HOXC8: variants seen among roughly 807,000 people sequenced by gnomAD.
HOXC8 encodes homeobox protein Hox-C8.
In HOXC8, 14 loss-of-function variants were observed where a neutral mutation model predicts 25.8. The ratio of observed to expected loss-of-function variants is 0.54; its 90% CI spans 0.36 to 0.85. HOXC8 has a LOEUF of 0.85. Ranked by LOEUF, HOXC8 falls within the 40% of genes least tolerant of loss-of-function variation. The pLI is 0.01. For synonymous variants in HOXC8, 144 were observed against 124.6 expected (o/e 1.16, Z -1.04); for missense variants, 316 against 308.8 (o/e 1.02, Z -0.17).
In HOXC8 at chr12:54,009,404, CG is replaced by C; in HGVS notation, c.123del (p.Gly43AlafsTer87). On this transcript the variant is annotated frameshift_variant, in exon 1 of 2. Coordinates refer to ENST00000040584, the MANE Select transcript of HOXC8 (RefSeq NM_022658.4). LOFTEE classifies it high-confidence loss of function. The surrounding 1 kb of genome is among the most constrained non-coding windows in gnomAD (Gnocchi z 5.0). ...TGGGCAGGAGCCATGCGCTGGTGTA[CG>C]GGCCCGGCGGCTCGGCGCCCGGCTT... is the stretch of plus-strand genomic sequence containing the variant. ...SVGRSHALVY[G>X]PGGSAPGFQH... 6.2e-7 allele frequency: 1 copy of C among 1,614,022 alleles called. No homozygotes were observed. The highest frequency in any genetic ancestry group is 8.5e-7 in the Non-Finnish European group (1 of 1,179,968).
rs1004195294 is a variant in HOXC8 at position 54,011,605 on chromosome 12, G to A, written c.*224G>A. On this transcript the variant is annotated 3_prime_UTR_variant, in exon 2 of 2. Transcript: ENST00000040584. ...GCTGGAGGGGGGAGACGGAGAAACA[G>A]TGAAAAGTTCGGACTCTCTGTCTCA... The A allele has an allele frequency of 1.1e-5, 5 of 448,240 alleles. No homozygotes were observed. The highest frequency in any genetic ancestry group is 1.9e-5 in the Non-Finnish European group (5 of 269,650). 27.8% of individuals were successfully genotyped at this position (448,240 alleles called of 1,614,324 possible). A position where few individuals can be genotyped will look rare whatever the true frequency, so the allele number is the denominator to read the frequency against.
At position 54,011,615 on chromosome 12, in the gene HOXC8, C is replaced by A. The variant is rs776252828; in HGVS notation, c.*234C>A. Reference sequence around the variant, plus strand: ...GGAGACGGAGAAACAGTGAAAAGTTCGGACTCTCTGTCTCACTCCTTGCCC... The same window carrying A: ...GGAGACGGAGAAACAGTGAAAAGTTAGGACTCTCTGTCTCACTCCTTGCCC... On this transcript the variant is annotated 3_prime_UTR_variant, in exon 2 of 2. Transcript: ENST00000040584. 2.6e-6 allele frequency: 1 copy of A among 384,302 alleles called. No individual in the cohort carries two copies. Among genetic ancestry groups the A allele is most frequent in the Non-Finnish European group, 4.5e-6 (1 of 219,782 alleles). 23.8% of individuals were successfully genotyped at this position (384,302 alleles called of 1,614,324 possible).
chr12:54,009,332 C>T lies in HOXC8; in HGVS notation c.48C>T (p.Gly16=), dbSNP rs147408410. The T allele has an allele frequency of 8.1e-6, 13 of 1,605,300 alleles. No individual in the cohort carries two copies. The African/African-American group carries it at 1.6e-4, about 20-fold the overall frequency. ...CCCTGTTCTCCAAATACAAAGCCGG[C>T]GAGTCCCTGGAACCGGCCTATTACG... ...VNPLFSKYKA[G]ESLEPAYYDC... is the part of the protein sequence containing the mutation. Residue 16 remains glycine (G), a synonymous_variant, in exon 1 of 2, where the codon GGC becomes GGT. Transcript: ENST00000040584. The surrounding 1 kb of genome is among the most constrained non-coding windows in gnomAD (Gnocchi z 5.0).
chr12:54,011,486 A>C lies in HOXC8; in HGVS notation c.*105A>C. Reference sequence around the variant, plus strand: ...CGACTGTCATTTGCTTTTATAGAGAATAGAATGACACTCACAACTCTAACT... The same window carrying C: ...CGACTGTCATTTGCTTTTATAGAGACTAGAATGACACTCACAACTCTAACT... On this transcript the variant is annotated 3_prime_UTR_variant, in exon 2 of 2. Transcript: ENST00000040584. 1 of 1,324,900 alleles carries C rather than the reference A, an allele frequency of 7.5e-7. No individual in the cohort carries two copies. The highest frequency in any genetic ancestry group is 9.9e-7 in the Non-Finnish European group (1 of 1,012,736). 82.1% of individuals were successfully genotyped at this position (1,324,900 alleles called of 1,614,324 possible).
At position 54,012,342 on chromosome 12, in the gene HOXC8, A is replaced by G. The variant is rs1193062466; in HGVS notation, c.*961A>G. The G allele has an allele frequency of 7.4e-6, 1 of 135,554 alleles. No individual in the cohort carries two copies. Among genetic ancestry groups the G allele is most frequent in the Non-Finnish European group, 1.6e-5 (1 of 60,838 alleles). 8.4% of individuals were successfully genotyped at this position (135,554 alleles called of 1,614,324 possible). On this transcript the variant is annotated 3_prime_UTR_variant, in exon 2 of 2. Coordinates refer to ENST00000040584, the MANE Select transcript of HOXC8 (RefSeq NM_022658.4). ...AAAAAAGAGAAAAAAATAAAAATCAAAAAAAAAAAAAAGAAAGAAAGAAAC... is the reference window on the plus strand; with the variant it reads ...AAAAAAGAGAAAAAAATAAAAATCAGAAAAAAAAAAAAGAAAGAAAGAAAC...
rs1939943896 is a variant in HOXC8 at position 54,009,780 on chromosome 12, C to T, written c.436+60C>T. ...CGCGCTCCAGGGTTTCCCCCCCTCC[C>T]TCGCCTCCTTTTTGTCTGCCCTCGC... On this transcript the variant is annotated intron_variant, in intron 1 of 1. Coordinates refer to ENST00000040584, the MANE Select transcript of HOXC8 (RefSeq NM_022658.4). The surrounding 1 kb of genome is among the most constrained non-coding windows in gnomAD (Gnocchi z 5.0). 1 of 1,454,196 alleles carries T rather than the reference C, an allele frequency of 6.9e-7. No individual in the cohort carries two copies. Among genetic ancestry groups the T allele is most frequent in the Non-Finnish European group, 9.5e-7 (1 of 1,047,616 alleles). 90.1% of individuals were successfully genotyped at this position (1,454,196 alleles called of 1,614,324 possible).
At position 54,009,232 on chromosome 12, in the gene HOXC8, C is replaced by A. The variant is rs1939923907; in HGVS notation, c.-53C>A. 9 of 1,430,960 alleles carry A rather than the reference C, an allele frequency of 6.3e-6. No individual in the cohort carries two copies. Among genetic ancestry groups the A allele is most frequent in the Non-Finnish European group, 8.6e-6 (9 of 1,048,434 alleles). 88.6% of individuals were successfully genotyped at this position (1,430,960 alleles called of 1,614,324 possible). ...GGAGGGGAGTTTCGGGGGTACTGGG[C>A]GGGGTACTCGTGAGCCAGAGGGGAG... On this transcript the variant is annotated 5_prime_UTR_variant, in exon 1 of 2. Coordinates refer to ENST00000040584, the MANE Select transcript of HOXC8 (RefSeq NM_022658.4). This position sits in a 1 kb window ranked among gnomAD's most constrained non-coding sequence, Gnocchi z 5.0.
At chr12:54,010,628 T>C (rs141562586) in intron 1 of HOXC8, among the ~76,000 whole-genome samples, 1 of 152,246 alleles carries the variant, frequency 6.6e-6, no homozygotes, top group African/African-American at 2.4e-5. Flanking sequence ...AGCAGATCAA[T>C]TATTTTTCTT....
At position 54,009,353 on chromosome 12, in the gene HOXC8, T is replaced by C. The variant is rs1281462450; in HGVS notation, c.69T>C (p.Tyr23=). The C allele has an allele frequency of 1.2e-6, 2 of 1,612,852 alleles. No homozygotes were observed. The highest frequency in any genetic ancestry group is 1.7e-6 in the Non-Finnish European group (2 of 1,179,140). The change falls in exon 1 of 2, where the codon TAT becomes TAC. Residue 23 remains tyrosine (Y), a synonymous_variant. Transcript: ENST00000040584. The surrounding 1 kb of genome is among the most constrained non-coding windows in gnomAD (Gnocchi z 5.0). ...YKAGESLEPA[Y]YDCRFPQSVG... is the part of the protein sequence containing the mutation. ...CCGGCGAGTCCCTGGAACCGGCCTA[T>C]TACGACTGCCGGTTCCCTCAGAGCG...
In HOXC8 at chr12:54,009,405, G is replaced by C. The variant is rs764066491; in HGVS notation, c.121G>C (p.Gly41Arg). The change falls in exon 1 of 2, where the codon GGG becomes CGG. Residue 41 changes from glycine (G) to arginine (R), a missense_variant. Physicochemically the swap from Gly to Arg is moderately radical, Grantham distance 125. Coordinates refer to ENST00000040584, the MANE Select transcript of HOXC8 (RefSeq NM_022658.4). This position sits in a 1 kb window ranked among gnomAD's most constrained non-coding sequence, Gnocchi z 5.0. The stretch of plus-strand genomic sequence containing the variant: ...GGGCAGGAGCCATGCGCTGGTGTAC[G>C]GGCCCGGCGGCTCGGCGCCCGGCTT... ...SVGRSHALVY[G>R]PGGSAPGFQH... The C allele has an allele frequency of 1.5e-4, 236 of 1,613,886 alleles. No individual in the cohort carries two copies. The East Asian group carries it at 3.8e-3, about 26-fold the overall frequency.
chr12:54,011,250 C>G lies in HOXC8; in HGVS notation c.598C>G (p.Arg200Gly). 1 of 1,609,274 alleles carries G rather than the reference C, an allele frequency of 6.2e-7. No homozygotes were observed. The highest frequency in any genetic ancestry group is 8.5e-7 in the Non-Finnish European group (1 of 1,177,858). Residue 200 changes from arginine to glycine, a missense_variant, in exon 2 of 2, where the codon CGA (arginine) becomes GGA (glycine). Transcript: ENST00000040584. The part of the protein sequence containing the change: ...ERQVKIWFQN[R>G]RMKWKKENNK... ...ACAAGTGAAGATCTGGTTCCAGAAC[C>G]GAAGGATGAAGTGGAAAAAGGAGAA... is the stretch of plus-strand genomic sequence containing the variant.
chr12:54,011,400 C>CG lies in HOXC8; in HGVS notation c.*19_*20insG. 1.4e-6 allele frequency: 2 copies of CG among 1,437,954 alleles called. No individual in the cohort carries two copies. The highest frequency in any genetic ancestry group is 9.1e-7 in the Non-Finnish European group (1 of 1,098,360). The allele number at this position is 1,437,954 out of a possible 1,614,324, so 89.1% of individuals were successfully genotyped here. On this transcript the variant is annotated 3_prime_UTR_variant, in exon 2 of 2. Coordinates refer to ENST00000040584, the MANE Select transcript of HOXC8 (RefSeq NM_022658.4). Reference sequence around the variant, plus strand: ...GGACTAAGCAAAAAAGAAAGACCCCCCCCCCCTTAGCAACTCCCTTGAAGT... The same window carrying CG: ...GGACTAAGCAAAAAAGAAAGACCCCCGCCCCCCTTAGCAACTCCCTTGAAGT...
Position 54,009,050 on chromosome 12 carries a change from TCGCCGCCCGC to T in HOXC8, c.-227_-218del, listed in dbSNP as rs1555183143. ...CGCCGCCGCCGCCGCCGCCGCCCGC[TCGCCGCCCGC>T]CGCCGCCGCCGCCCGCGCCCCAGCC... On this transcript the variant is annotated 5_prime_UTR_variant, in exon 1 of 2. Coordinates refer to ENST00000040584, the MANE Select transcript of HOXC8 (RefSeq NM_022658.4). The surrounding 1 kb of genome is among the most constrained non-coding windows in gnomAD (Gnocchi z 5.0). 2.6e-5 allele frequency: 4 copies of T among 151,134 alleles called. 1 individual carries two copies. Among genetic ancestry groups the T allele is most frequent in the Non-Finnish European group, 5.6e-5 (4 of 70,940 alleles). 9.4% of individuals were successfully genotyped at this position (151,134 alleles called of 1,614,324 possible).
chr12:54,009,749 G>T lies in HOXC8; in HGVS notation c.436+29G>T. The T allele has an allele frequency of 1.3e-6, 2 of 1,593,084 alleles. No individual in the cohort carries two copies. The highest frequency in any genetic ancestry group is 1.3e-5 in the African/African-American group (1 of 74,496). ...AGAAGCCTTTTCTCTTTCCCCCTTG[G>T]TCTCCCGCGCTCCAGGGTTTCCCCC... On this transcript the variant is annotated intron_variant, in intron 1 of 1. Coordinates refer to ENST00000040584, the MANE Select transcript of HOXC8 (RefSeq NM_022658.4). The surrounding 1 kb of genome is among the most constrained non-coding windows in gnomAD (Gnocchi z 5.0).
rs1182128101 is a variant in HOXC8, at chr12:54,009,377, C to A, written c.93C>A (p.Ser31Arg). The change falls in exon 1 of 2, where the codon AGC becomes AGA. Residue 31 changes from serine (S) to arginine (R), a missense_variant. Transcript: ENST00000040584. The surrounding 1 kb of genome is among the most constrained non-coding windows in gnomAD (Gnocchi z 5.0). ...PAYYDCRFPQ[S>R]VGRSHALVYG... ...ATTACGACTGCCGGTTCCCTCAGAG[C>A]GTGGGCAGGAGCCATGCGCTGGTGT... 6.2e-7 allele frequency: 1 copy of A among 1,613,922 alleles called. No individual in the cohort carries two copies. Among genetic ancestry groups the A allele is most frequent in the Admixed American group, 1.7e-5 (1 of 60,026 alleles).
In HOXC8 at chr12:54,009,403, A is replaced by G; in HGVS notation, c.119A>G (p.Tyr40Cys). 6.2e-7 allele frequency: 1 copy of G among 1,613,958 alleles called. No homozygotes were observed. Among genetic ancestry groups the G allele is most frequent in the Non-Finnish European group, 8.5e-7 (1 of 1,179,950 alleles). ...QSVGRSHALV[Y>C]GPGGSAPGFQ... The stretch of plus-strand genomic sequence containing the variant: ...GTGGGCAGGAGCCATGCGCTGGTGT[A>G]CGGGCCCGGCGGCTCGGCGCCCGGC... The change falls in exon 1 of 2, where the codon TAC (tyrosine) becomes TGC (cysteine). Residue 40 changes from tyrosine to cysteine, a missense_variant. By Grantham distance (194) the Tyr-to-Cys change is radical. Coordinates refer to ENST00000040584, the MANE Select transcript of HOXC8 (RefSeq NM_022658.4). This position sits in a 1 kb window ranked among gnomAD's most constrained non-coding sequence, Gnocchi z 5.0.
chr12:54,011,403 C>CG lies in HOXC8; in HGVS notation c.*22_*23insG, dbSNP rs748659517. 2 of 1,449,798 alleles carry CG rather than the reference C, an allele frequency of 1.4e-6. No individual in the cohort carries two copies. The highest frequency in any genetic ancestry group is 3.0e-5 in the South Asian group (2 of 66,038). The allele number at this position is 1,449,798 out of a possible 1,614,324, so 89.8% of individuals were successfully genotyped here. A position where few individuals can be genotyped will look rare whatever the true frequency, so the allele number is the denominator to read the frequency against. Reference sequence around the variant, plus strand: ...CTAAGCAAAAAAGAAAGACCCCCCCCCCCTTAGCAACTCCCTTGAAGTTTC... The same window carrying CG: ...CTAAGCAAAAAAGAAAGACCCCCCCCGCCCTTAGCAACTCCCTTGAAGTTTC... On this transcript the variant is annotated 3_prime_UTR_variant, in exon 2 of 2. Transcript: ENST00000040584.
Position 54,009,793 on chromosome 12 carries a change from T to C in HOXC8, c.436+73T>C. ...TTCCCCCCCTCCCTCGCCTCCTTTT[T>C]GTCTGCCCTCGCTTTTTCTCCTGGC... On this transcript the variant is annotated intron_variant, in intron 1 of 1. Coordinates refer to ENST00000040584, the MANE Select transcript of HOXC8 (RefSeq NM_022658.4). The surrounding 1 kb of genome is among the most constrained non-coding windows in gnomAD (Gnocchi z 5.0). The C allele has an allele frequency of 7.5e-7, 1 of 1,332,988 alleles. No individual in the cohort carries two copies. The highest frequency in any genetic ancestry group is 1.1e-6 in the Non-Finnish European group (1 of 942,866). 82.6% of individuals were successfully genotyped at this position (1,332,988 alleles called of 1,614,324 possible). A position where few individuals can be genotyped will look rare whatever the true frequency, so the allele number is the denominator to read the frequency against.
Position 54,012,428 on chromosome 12 carries a change from C to T in HOXC8, c.*1047C>T, listed in dbSNP as rs1332928872. ...TCCTGCTTTGAGAGTATTTGTAATG[C>T]GGTTTTGTTGTCGTTTGTTGCTGCT... is the stretch of plus-strand genomic sequence containing the variant. On this transcript the variant is annotated 3_prime_UTR_variant, in exon 2 of 2. Transcript: ENST00000040584. The T allele has an allele frequency of 6.6e-5, 10 of 151,604 alleles. No homozygotes were observed. The highest frequency in any genetic ancestry group is 4.2e-4 in the South Asian group (2 of 4,794). The allele number at this position is 151,604 out of a possible 1,614,324, so 9.4% of individuals were successfully genotyped here. A position where few individuals can be genotyped will look rare whatever the true frequency, so the allele number is the denominator to read the frequency against.
Sources: gnomAD v4.1 joint callset for allele counts (sites outside exome capture counted in the v4.1 genomes callset) on GRCh38, gnomAD v4.1.1 for gene constraint, Gnocchi (gnomAD v3.1) non-coding constraint, MANE v1.5 for transcripts, NCBI Gene and HGNC (gene_info 2026-07-23, HGNC 2026-07-21) for gene names.